The following CCDC6 variants were observed in gnomAD, a reference collection of about 807,000 sequenced individuals.
CCDC6 encodes the protein coiled-coil domain containing 6, also known as coiled-coil domain-containing protein 6.
In CCDC6, 20 loss-of-function variants were observed where a neutral mutation model predicts 56.6. The observed-to-expected ratio is 0.35, with a 90% CI of 0.25 to 0.51. The LOEUF (loss-of-function observed/expected upper bound fraction) is 0.51, where lower values mean the gene tolerates loss of function less well. Ranked by LOEUF, CCDC6 falls within the 20% of genes least tolerant of loss-of-function variation. The pLI is 0.95. For synonymous variants in CCDC6, 241 were observed against 234.4 expected (o/e 1.03, Z -0.26); for missense variants, 367 against 601.1 (o/e 0.61, Z 4.07).
chr10:59,829,994 T>A (rs1490988330), intron 3 of CCDC6, among the ~76,000 whole-genome samples: 4 of 152,164 alleles, frequency 2.6e-5, no homozygotes, highest in Non-Finnish European at 5.9e-5. Flanking sequence ...TGCTTTGAAG[T>A]CAGAGCCCAG....
In CCDC6 at chr10:59,852,633, T is replaced by C; in HGVS notation, c.373A>G (p.Lys125Glu). 6.2e-7 allele frequency: 1 copy of C among 1,607,370 alleles called. No individual in the cohort carries two copies. The highest frequency in any genetic ancestry group is 8.5e-7 in the Non-Finnish European group (1 of 1,176,956). Residue 125 changes from lysine (K) to glutamate (E), a missense_variant, in exon 2 of 9, where the codon AAG becomes GAG. Transcript: ENST00000263102. ...TLFKKIQALQ[K>E]EKETLAVNYE... ...TTTACAGCAAGGGTTTCTTTCTCCT[T>C]CTGCAAAGCCTGAATTTTCTTGAAT...
chr10:59,896,982 C>A (rs932582786), intron 1 of CCDC6, among the ~76,000 whole-genome samples: 6 of 150,796 alleles, frequency 4.0e-5, no homozygotes. Context: ...GACATAAACC[C>A]TTACCAGGTA....
Position 59,790,189 on chromosome 10 carries a change from GCAACA to G in CCDC6, c.*2723_*2727del. 4.6e-6 allele frequency: 1 copy of G among 216,324 alleles called. No homozygotes were observed. Among genetic ancestry groups the G allele is most frequent in the East Asian group, 6.9e-5 (1 of 14,584 alleles). The allele number at this position is 216,324 out of a possible 1,614,324, so 13.4% of individuals were successfully genotyped here. On this transcript the variant is annotated 3_prime_UTR_variant, in exon 9 of 9. Coordinates refer to ENST00000263102, the MANE Select transcript of CCDC6 (RefSeq NM_005436.5). ...TTTGTATAAAAGGCATGGTAATCTG[GCAACA>G]GAGTACTTATCCTATTAGCAGCACA... is the stretch of plus-strand genomic sequence containing the variant.
At chr10:59,818,502 G>A (rs921459688) in intron 3 of CCDC6, among the ~76,000 whole-genome samples, 2 of 140,552 alleles carry the variant, frequency 1.4e-5, no homozygotes, top group Admixed American at 7.1e-5. Flanking sequence ...TGACGGGGGG[G>A]GGGGAAGCAG....
chr10:59,879,278 T>C (rs192852305), intron 1 of CCDC6, among the ~76,000 whole-genome samples: 2 of 152,174 alleles, frequency 1.3e-5, no homozygotes, highest in South Asian at 4.1e-4. Context: ...TTACTTAGTA[T>C]CTTAAAGAAT....
intron 1 of CCDC6, among the ~76,000 whole-genome samples, chr10:59,900,412 G>A (rs2071496763): frequency 6.6e-6 from 1 of 152,190 alleles, no homozygotes; most frequent in Admixed American, 6.5e-5. Context: ...CGGCACCATT[G>A]AGGAGCCAGA....
Position 59,792,472 on chromosome 10 carries a change from G to A in CCDC6, c.*445C>T, listed in dbSNP as rs886172725. ...GTCTGAATTGTAGTGCTGAATTATT[G>A]GTATGTTTGGTAAACACTATTATAA... On this transcript the variant is annotated 3_prime_UTR_variant, in exon 9 of 9. Coordinates refer to ENST00000263102, the MANE Select transcript of CCDC6 (RefSeq NM_005436.5). 4 of 441,898 alleles carry A rather than the reference G, an allele frequency of 9.1e-6. No homozygotes were observed. The Admixed American group carries it at 1.0e-4, about 11-fold the overall frequency. The allele number at this position is 441,898 out of a possible 1,614,324, so 27.4% of individuals were successfully genotyped here. A position where few individuals can be genotyped will look rare whatever the true frequency, so the allele number is the denominator to read the frequency against.
In CCDC6 at chr10:59,792,587, A is replaced by C; in HGVS notation, c.*330T>G. On this transcript the variant is annotated 3_prime_UTR_variant, in exon 9 of 9. Transcript: ENST00000263102. ...TATCCCTTTTTCTTTTACAAACCTA[A>C]AAGCCAGGAGAATGAAGCTCTGGGC... The C allele has an allele frequency of 1.5e-6, 1 of 647,388 alleles. No individual in the cohort carries two copies. The highest frequency in any genetic ancestry group is 2.9e-6 in the Non-Finnish European group (1 of 344,436). 40.1% of individuals were successfully genotyped at this position (647,388 alleles called of 1,614,324 possible).
chr10:59,806,742 G>C, intron 6 of CCDC6, 180 bp downstream of exon 6: 1 of 466,686 alleles, frequency 2.1e-6, no homozygotes, highest in Non-Finnish European at 3.7e-6. Flanking sequence ...TGTGTTTAAG[G>C]AAAATGTTCA....
intron 3 of CCDC6, among the ~76,000 whole-genome samples, chr10:59,830,623 G>A (rs143195045): frequency 2.3e-4 from 35 of 152,190 alleles, no homozygotes; most frequent in Admixed American, 1.7e-3. Flanking sequence ...CTTTACCATC[G>A]AGGACTGAAA....
At position 59,906,538 on chromosome 10, in the gene CCDC6, C is replaced by T. The variant is rs931499679; in HGVS notation, c.-114G>A. On this transcript the variant is annotated 5_prime_UTR_variant, in exon 1 of 9. Coordinates refer to ENST00000263102, the MANE Select transcript of CCDC6 (RefSeq NM_005436.5). ...CACAGGGGAGCGCCGAGCTGAGCGC[C>T]TGGCACCAGGGCGCAGACTCGGAGC... 2.2e-6 allele frequency: 2 copies of T among 927,906 alleles called. No individual in the cohort carries two copies. Among genetic ancestry groups the T allele is most frequent in the Non-Finnish European group, 3.0e-6 (2 of 663,498 alleles). 57.5% of individuals were successfully genotyped at this position (927,906 alleles called of 1,614,324 possible).
intron 3 of CCDC6, among the ~76,000 whole-genome samples, chr10:59,818,195 G>C (rs988702033): frequency 1.3e-5 from 2 of 152,072 alleles, no homozygotes; most frequent in African/African-American, 4.8e-5. Flanking sequence ...GGGAAATAAG[G>C]ACAGTTTAGG....
At chr10:59,851,430 T>C (rs947106305) in intron 2 of CCDC6, among the ~76,000 whole-genome samples, 1 of 152,188 alleles carries the variant, frequency 6.6e-6, no homozygotes, top group Non-Finnish European at 1.5e-5. Context: ...CACATTTCAG[T>C]AACTACCATA....
At chr10:59,827,155 T>C (rs188369280) in intron 3 of CCDC6, among the ~76,000 whole-genome samples, 4 of 152,228 alleles carry the variant, frequency 2.6e-5, no homozygotes, top group Admixed American at 1.3e-4. Context: ...AGGAAACAGA[T>C]CCATGAAGAT....
intron 1 of CCDC6, among the ~76,000 whole-genome samples, chr10:59,904,026 C>G (rs1371632678): frequency 6.6e-6 from 1 of 152,164 alleles, no homozygotes; most frequent in East Asian, 1.9e-4. Context: ...GGAAACCAGG[C>G]GAACCACAAG....
chr10:59,844,760 AAAAGAG>A (rs1212386137), intron 2 of CCDC6, among the ~76,000 whole-genome samples: 1 of 89,118 alleles, frequency 1.1e-5, no homozygotes, highest in Non-Finnish European at 2.8e-5. Context: ...AAAAAAAAAA[AAAAGAG>A]AGAGAGAGAG....
chr10:59,812,831 A>T, intron 4 of CCDC6, 36 bp from the exon 5 acceptor site: 1 of 1,520,576 alleles, frequency 6.6e-7, no homozygotes, highest in South Asian at 1.2e-5. Context: ...AATGACTAAC[A>T]GTTTTCCTTG....
intron 2 of CCDC6, among the ~76,000 whole-genome samples, chr10:59,844,416 G>T (rs1368973787): frequency 8.2e-6 from 1 of 121,442 alleles, no homozygotes; most frequent in Non-Finnish European, 1.7e-5. Context: ...AATCTGGTTA[G>T]GAGGAATATT....
At position 59,792,953 on chromosome 10, in the gene CCDC6, A is replaced by G. The variant is rs893201031; in HGVS notation, c.1389T>C (p.Pro463=). ...AGGAGGGGTGCGCCGAATGTTGCGA[A>G]GGAGTAGGCTGCGAGGTGGCTGCTG... The part of the protein sequence containing the change: ...VPSAATSQPT[P]SQHSAHPSSQ... The change falls in exon 9 of 9, where the codon CCT becomes CCC. Residue 463 remains proline, a synonymous_variant. Coordinates refer to ENST00000263102, the MANE Select transcript of CCDC6 (RefSeq NM_005436.5). 2 of 1,611,736 alleles carry G rather than the reference A, an allele frequency of 1.2e-6. No individual in the cohort carries two copies. Among genetic ancestry groups the G allele is most frequent in the East Asian group, 2.2e-5 (1 of 44,888 alleles).
Sources: gnomAD v4.1 joint callset for allele counts (sites outside exome capture counted in the v4.1 genomes callset) on GRCh38, gnomAD v4.1.1 for gene constraint, MANE v1.5 for transcripts, NCBI Gene and HGNC (gene_info 2026-07-23, HGNC 2026-07-21) for gene names.